The following SMIM14 variants were observed in gnomAD, a reference collection of about 807,000 sequenced individuals.
SMIM14 encodes the protein small integral membrane protein 14.
SMIM14 carries 5 observed loss-of-function variants against 12.6 expected under a neutral mutation model. That is an observed-to-expected ratio of 0.40 (90% CI 0.21 to 0.83). The LOEUF is 0.83. Ranked by LOEUF, SMIM14 falls within the 40% of genes least tolerant of loss-of-function variation. The probability of loss-of-function intolerance (pLI) is 0.37; values close to 1 mark genes in which losing one functional copy is unlikely to be tolerated. For synonymous variants in SMIM14, 30 were observed against 40.1 expected (o/e 0.75, Z 0.95); for missense variants, 86 against 119.1 (o/e 0.72, Z 1.29).
rs116174969 is a variant in SMIM14, at chr4:39,569,408, G to C, written c.124+3007C>G. 1.7e-3 allele frequency among the ~76,000 whole-genome samples: 265 copies of C among 152,216 alleles called. 5 individuals are homozygous for C. Among genetic ancestry groups the C allele is most frequent in the African/African-American group, 6.1e-3 (254 of 41,524 alleles). On this transcript the variant is annotated intron_variant, in intron 3 of 4. Coordinates refer to ENST00000295958, the MANE Select transcript of SMIM14 (RefSeq NM_174921.3). Reference sequence around the variant, plus strand: ...AGTCTCTTTACAATTACCTTACTGCGTCTTGTTTCAGTTTCATATATATAA... The same window carrying C: ...AGTCTCTTTACAATTACCTTACTGCCTCTTGTTTCAGTTTCATATATATAA...
intron 2 of SMIM14, among the ~76,000 whole-genome samples, chr4:39,602,441 A>G (rs1714654620): frequency 6.6e-6 from 1 of 152,066 alleles, no homozygotes; most frequent in Non-Finnish European, 1.5e-5. Context: ...CTAAAAATAC[A>G]AAAAGTAGCT....
chr4:39,584,244 G>C (rs1713661179), intron 2 of SMIM14, among the ~76,000 whole-genome samples: 1 of 151,724 alleles, frequency 6.6e-6, no homozygotes, highest in Non-Finnish European at 1.5e-5. Context: ...AACTTTGGGA[G>C]GCCAAGGCAG....
chr4:39,590,958 T>C (rs1407606504), intron 2 of SMIM14, among the ~76,000 whole-genome samples: 1 of 152,156 alleles, frequency 6.6e-6, no homozygotes, highest in African/African-American at 2.4e-5. Flanking sequence ...TAGGCAGTAT[T>C]ATAAAGCACT....
intron 1 of SMIM14, among the ~76,000 whole-genome samples, chr4:39,616,515 G>A (rs1244292375): frequency 6.6e-6 from 1 of 151,874 alleles, no homozygotes; most frequent in Non-Finnish European, 1.5e-5. Context: ...AGCATGATTT[G>A]GAAAGTTCTT....
chr4:39,595,591 C>T (rs1324887823), intron 2 of SMIM14, among the ~76,000 whole-genome samples: 4 of 150,788 alleles, frequency 2.7e-5, no homozygotes, highest in Non-Finnish European at 2.9e-5. Context: ...TCAATGAAAA[C>T]GTTTTCTGTA....
At chr4:39,591,566 C>A (rs1714081145) in intron 2 of SMIM14, among the ~76,000 whole-genome samples, 2 of 151,250 alleles carry the variant, frequency 1.3e-5, no homozygotes, top group African/African-American at 4.9e-5. Context: ...ATAATATGTA[C>A]TTTTTTTTTG....
intron 1 of SMIM14, among the ~76,000 whole-genome samples, chr4:39,632,775 TCA>T (rs369057968): frequency 0.22 from 25,474 of 114,550 alleles, 2,920 homozygotes; most frequent in Non-Finnish European, 0.28. Context: ...GAGACTCCCG[TCA>T]CACACACACA....
At chr4:39,566,532 C>A (rs1320516345) in intron 3 of SMIM14, among the ~76,000 whole-genome samples, 1 of 152,056 alleles carries the variant, frequency 6.6e-6, no homozygotes, top group Non-Finnish European at 1.5e-5. Flanking sequence ...AGAAAGAAGA[C>A]AGCAGATAGC....
At chr4:39,591,776 G>T (rs1462959076) in intron 2 of SMIM14, among the ~76,000 whole-genome samples, 1 of 151,994 alleles carries the variant, frequency 6.6e-6, no homozygotes, top group Admixed American at 6.6e-5. Flanking sequence ...ATGTTGGCCA[G>T]GTTGGTCTCA....
At chr4:39,587,917 T>A (rs1713866228) in intron 2 of SMIM14, 1 of 152,320 alleles carries the variant, frequency 6.6e-6, no homozygotes, top group Non-Finnish European at 1.5e-5. Flanking sequence ...TCCCATCTCC[T>A]CTCAGGAGGG....
intron 1 of SMIM14, among the ~76,000 whole-genome samples, chr4:39,635,699 A>G (rs1275273339): frequency 8.5e-5 from 13 of 152,242 alleles, no homozygotes; most frequent in Admixed American, 8.5e-4. Context: ...TAAAGATTTT[A>G]GGTAAGTTTA....
chr4:39,558,154 G>GT lies in SMIM14; in HGVS notation c.125-1585dup, dbSNP rs1712111437. On this transcript the variant is annotated intron_variant, in intron 3 of 4. Coordinates refer to ENST00000295958, the MANE Select transcript of SMIM14 (RefSeq NM_174921.3). This position sits in a 1 kb window ranked among gnomAD's most constrained non-coding sequence, Gnocchi z 4.3. ...TTAACAAATTTCTAATAAATGAAAC[G>GT]TAGATTTTTTATTGAAGTATATTAG... Among the ~76,000 whole-genome samples the GT allele has an allele frequency of 6.6e-6, 1 of 152,102 alleles. No homozygotes were observed. The highest frequency in any genetic ancestry group is 2.1e-4 in the South Asian group (1 of 4,834).
chr4:39,622,525 CA>C lies in SMIM14; in HGVS notation c.-36+16213del, dbSNP rs761770971. Among the ~76,000 whole-genome samples, 22 of 152,346 alleles carry C rather than the reference CA, an allele frequency of 1.4e-4. No homozygotes were observed. The South Asian group carries it at 3.3e-3, about 23-fold the overall frequency. The stretch of plus-strand genomic sequence containing the variant: ...AAGTGATTCTCCTGCCCCAGCCTCC[CA>C]AGTAGCTGGGATTACAGGTGTGTGC... On this transcript the variant is annotated intron_variant, in intron 1 of 4. Coordinates refer to ENST00000295958, the MANE Select transcript of SMIM14 (RefSeq NM_174921.3).
Position 39,572,379 on chromosome 4 carries a change from C to T in SMIM14, c.124+36G>A, listed in dbSNP as rs763880366. On this transcript the variant is annotated intron_variant, in intron 3 of 4. Coordinates refer to ENST00000295958, the MANE Select transcript of SMIM14 (RefSeq NM_174921.3). ...GGCATCTGGCCTCTAATTCTGCCCC[C>T]AATGCCATCCTTCCTCCTGTCTCAG... 12 of 1,469,098 alleles carry T rather than the reference C, an allele frequency of 8.2e-6. 1 individual carries two copies. In the South Asian group the frequency reaches 1.4e-4, roughly 17 times the overall value. 91.0% of individuals were successfully genotyped at this position (1,469,098 alleles called of 1,614,324 possible). A position where few individuals can be genotyped will look rare whatever the true frequency, so the allele number is the denominator to read the frequency against.
chr4:39,553,837 G>A (rs947002763), intron 4 of SMIM14, among the ~76,000 whole-genome samples: 2 of 150,722 alleles, frequency 1.3e-5, no homozygotes, highest in African/African-American at 2.4e-5. Context: ...CAGGTGATCC[G>A]CCCGCCTCAG....
At chr4:39,555,931 T>A (rs1158331333) in intron 4 of SMIM14, among the ~76,000 whole-genome samples, 1 of 152,146 alleles carries the variant, frequency 6.6e-6, no homozygotes, top group Non-Finnish European at 1.5e-5. Context: ...GATTATGAAA[T>A]GGATTATTTT....
At chr4:39,562,563 A>G (rs917935090) in intron 3 of SMIM14, among the ~76,000 whole-genome samples, 2 of 152,140 alleles carry the variant, frequency 1.3e-5, no homozygotes, top group African/African-American at 4.8e-5. Context: ...ATCACAGCTC[A>G]CTGCAACCTT....
chr4:39,595,271 G>A (rs961547646), intron 2 of SMIM14, among the ~76,000 whole-genome samples: 2 of 150,104 alleles, frequency 1.3e-5, no homozygotes, highest in African/African-American at 4.9e-5. Flanking sequence ...GGATGAAATT[G>A]GAAATCATCA....
rs1747392515 is a variant in SMIM14 at position 39,547,629 on chromosome 4, T to C, written c.*4497A>G. ...CTTCATTTTTCCTTCTTCAAATTAC[T>C]GTTTTGTGTCTTAAACTGAGTTGGT... On this transcript the variant is annotated 3_prime_UTR_variant, in exon 5 of 5. Coordinates refer to ENST00000295958, the MANE Select transcript of SMIM14 (RefSeq NM_174921.3). 1 of 152,254 alleles carries C rather than the reference T, an allele frequency of 6.6e-6. No homozygotes were observed. Among genetic ancestry groups the C allele is most frequent in the Admixed American group, 6.5e-5 (1 of 15,284 alleles). 9.4% of individuals were successfully genotyped at this position (152,254 alleles called of 1,614,324 possible).
Sources: allele counts gnomAD v4.1 joint callset (sites outside exome capture counted in the v4.1 genomes callset), GRCh38; gene constraint gnomAD v4.1.1; non-coding constraint Gnocchi (gnomAD v3.1); transcripts MANE v1.5; gene names NCBI Gene and HGNC (gene_info 2026-07-23, HGNC 2026-07-21).